RETREG1: variants seen among roughly 807,000 people sequenced by gnomAD.
RETREG1 encodes reticulophagy regulator 1, also known as family with sequence similarity 134 member B.
Under a neutral mutation model 54.8 loss-of-function variants are expected in RETREG1, and 44 were observed. The ratio of observed to expected loss-of-function variants is 0.80; its 90% CI spans 0.63 to 1.03. RETREG1 has a LOEUF of 1.03. RETREG1 is among the 50% of genes least tolerant of loss of function. The pLI, the probability that RETREG1 is intolerant of heterozygous loss-of-function variation, is 0.00. For synonymous variants in RETREG1, 217 were observed against 238.5 expected, an observed-to-expected ratio of 0.91 and a Z score of 0.83; for missense variants, 554 against 605.1, an observed-to-expected ratio of 0.92 and a Z score of 0.89.
chr5:16,548,129 T>TA (rs1398726212), intron 3 of RETREG1, among the ~76,000 whole-genome samples: 4 of 152,154 alleles, frequency 2.6e-5, no homozygotes, highest in Admixed American at 2.0e-4. Flanking sequence ...CCTAATAATG[T>TA]AAAAAAATTC....
intron 1 of RETREG1, among the ~76,000 whole-genome samples, chr5:16,592,488 A>C (rs1202450034): frequency 6.6e-6 from 1 of 151,842 alleles, no homozygotes; most frequent in Non-Finnish European, 1.5e-5. Context: ...GGAAAGCAGT[A>C]TGGCAGTTCC....
chr5:16,538,229 G>A (rs111767578), intron 3 of RETREG1, among the ~76,000 whole-genome samples: 76 of 152,202 alleles, frequency 5.0e-4, no homozygotes, highest in African/African-American at 1.7e-3. Context: ...CAAGCCGGTC[G>A]ACATCAGGGG....
chr5:16,556,196 T>C (rs1158601934), intron 3 of RETREG1, among the ~76,000 whole-genome samples: 2 of 151,588 alleles, frequency 1.3e-5, no homozygotes, highest in Non-Finnish European at 2.9e-5. Flanking sequence ...TCTCGCTCTG[T>C]CGCCCAGGCT....
chr5:16,552,233 A>T (rs899050385), intron 3 of RETREG1, among the ~76,000 whole-genome samples: 5 of 152,252 alleles, frequency 3.3e-5, no homozygotes, highest in African/African-American at 9.6e-5. Context: ...CTTTGCCCTC[A>T]GTATTTAACA....
At chr5:16,590,044 G>A (rs537610828) in intron 1 of RETREG1, among the ~76,000 whole-genome samples, 2 of 152,362 alleles carry the variant, frequency 1.3e-5, no homozygotes, top group African/African-American at 4.8e-5. Context: ...AGAACTGGCA[G>A]CTGCCTCATG....
At chr5:16,504,623 C>T (rs1050648332) in intron 3 of RETREG1, among the ~76,000 whole-genome samples, 5 of 152,106 alleles carry the variant, frequency 3.3e-5, no homozygotes, top group South Asian at 2.1e-4. Flanking sequence ...TAAACACACC[C>T]GGGGTATCGC....
chr5:16,595,828 T>A (rs1047644899), intron 1 of RETREG1, among the ~76,000 whole-genome samples: 3 of 152,056 alleles, frequency 2.0e-5, no homozygotes, highest in Non-Finnish European at 4.4e-5. Flanking sequence ...CTTTTTAGGG[T>A]CCTGGAAGAT....
At chr5:16,548,271 G>T (rs1374670596) in intron 3 of RETREG1, among the ~76,000 whole-genome samples, 1 of 152,110 alleles carries the variant, frequency 6.6e-6, no homozygotes, top group African/African-American at 2.4e-5. Context: ...CATGTGACTT[G>T]CTTAGGCCTC....
At chr5:16,602,413 G>A (rs1743076536) in intron 1 of RETREG1, among the ~76,000 whole-genome samples, 1 of 152,084 alleles carries the variant, frequency 6.6e-6, no homozygotes, top group South Asian at 2.1e-4. Flanking sequence ...ACAGAAGGAT[G>A]GAAACTGAGA....
At chr5:16,596,851 T>C (rs1217910298) in intron 1 of RETREG1, among the ~76,000 whole-genome samples, 1 of 152,152 alleles carries the variant, frequency 6.6e-6, no homozygotes, top group Admixed American at 6.5e-5. Context: ...ACAAAAATCT[T>C]ATGCAGCTTC....
intron 3 of RETREG1, among the ~76,000 whole-genome samples, chr5:16,520,386 T>A (rs1034453403): frequency 6.6e-6 from 1 of 152,044 alleles, no homozygotes; most frequent in African/African-American, 2.4e-5. Context: ...CTGGAGTGCA[T>A]TGGCATGATC....
At chr5:16,517,804 T>C (rs1409846048) in intron 3 of RETREG1, among the ~76,000 whole-genome samples, 1 of 152,138 alleles carries the variant, frequency 6.6e-6, no homozygotes, top group Non-Finnish European at 1.5e-5. Context: ...TATTATGGAC[T>C]TCACAAATCA....
chr5:16,566,028 G>C (rs939454758), intron 2 of RETREG1, among the ~76,000 whole-genome samples: 10 of 152,292 alleles, frequency 6.6e-5, no homozygotes, highest in African/African-American at 2.2e-4. Flanking sequence ...AGTACCGTGG[G>C]AGATAGGACA....
chr5:16,530,805 G>A lies in RETREG1; in HGVS notation c.458+34958C>T, dbSNP rs371480729. ...GAAGAATTGCCTGAACCCAGGAGGC[G>A]GAGGTTGCAGTGGCCCACTGCACTC... On this transcript the variant is annotated intron_variant, in intron 3 of 8. Coordinates refer to ENST00000306320, the MANE Select transcript of RETREG1 (RefSeq NM_001034850.3). Among the ~76,000 whole-genome samples the A allele has an allele frequency of 6.2e-4, 94 of 152,092 alleles. No individual in the cohort carries two copies. The East Asian group carries it at 0.014, about 23-fold the overall frequency.
intron 3 of RETREG1, among the ~76,000 whole-genome samples, chr5:16,533,912 C>G (rs1036810339): frequency 2.6e-5 from 4 of 152,136 alleles, no homozygotes; most frequent in Non-Finnish European, 5.9e-5. Context: ...TCACTTTAAG[C>G]CTGCTTCTAT....
At chr5:16,544,036 C>T (rs1318581513) in intron 3 of RETREG1, among the ~76,000 whole-genome samples, 1 of 141,154 alleles carries the variant, frequency 7.1e-6, no homozygotes, top group African/African-American at 2.7e-5. Flanking sequence ...CATGCAGTGG[C>T]TCCATCTTGG....
chr5:16,570,897 G>T (rs1579694534), intron 2 of RETREG1, among the ~76,000 whole-genome samples: 1 of 152,174 alleles, frequency 6.6e-6, no homozygotes, highest in African/African-American at 2.4e-5. Context: ...AAGGAAAAGT[G>T]CATTGAAGAA....
In RETREG1 at chr5:16,597,679, C is replaced by T. The variant is rs748788935; in HGVS notation, c.320+18973G>A. Among the ~76,000 whole-genome samples the T allele has an allele frequency of 2.0e-5, 3 of 152,118 alleles. No individual in the cohort carries two copies. The highest frequency in any genetic ancestry group is 4.4e-5 in the Non-Finnish European group (3 of 68,030). On this transcript the variant is annotated intron_variant, in intron 1 of 8. Coordinates refer to ENST00000306320, the MANE Select transcript of RETREG1 (RefSeq NM_001034850.3). The surrounding 1 kb of genome is among the most constrained non-coding windows in gnomAD (Gnocchi z 4.3). ...CCAGTGGCTTCCTATAGAAAACAGACTTCCCCTTGCTGCCCCACTCTCAGC... is the reference window on the plus strand; with the variant it reads ...CCAGTGGCTTCCTATAGAAAACAGATTTCCCCTTGCTGCCCCACTCTCAGC...
At chr5:16,576,519 C>T (rs374238320) in intron 1 of RETREG1, among the ~76,000 whole-genome samples, 195 of 152,088 alleles carry the variant, frequency 1.3e-3, no homozygotes, top group African/African-American at 4.0e-3. Context: ...GAGTTTCGCT[C>T]TTGTTGCCCA....
Sources: gnomAD v4.1 joint callset for allele counts (sites outside exome capture counted in the v4.1 genomes callset) on GRCh38, gnomAD v4.1.1 for gene constraint, Gnocchi (gnomAD v3.1) non-coding constraint, MANE v1.5 for transcripts, NCBI Gene and HGNC (gene_info 2026-07-23, HGNC 2026-07-21) for gene names.